Variants in CUZD1 observed in about 807,000 individuals in gnomAD.
CUZD1 encodes CUB and zona pellucida like domains 1, also known as CUB and zona pellucida-like domain-containing protein 1.
Under a neutral mutation model 53.1 loss-of-function variants are expected in CUZD1, and 42 were observed. That is an observed-to-expected ratio of 0.79 (90% confidence interval 0.62 to 1.02). The LOEUF (loss-of-function observed/expected upper bound fraction) is 1.02. Among genes scored for constraint, CUZD1 ranks in the 50% least tolerant of loss-of-function variants. The probability of loss-of-function intolerance (pLI) is 0.00; values close to 1 mark genes in which losing one functional copy is unlikely to be tolerated. For synonymous variants in CUZD1, 238 were observed against 257.2 expected (o/e 0.93, Z 0.71); for missense variants, 670 against 715.7 (o/e 0.94, Z 0.73).
chr10:122,841,105 G>A, intron 2 of CUZD1, 73 bp downstream of exon 2: 2 of 1,396,446 alleles, frequency 1.4e-6, no homozygotes, highest in South Asian at 1.4e-5. Flanking sequence ...TCTTTCTACA[G>A]AGAGTCCCCC....
chr10:122,842,674 A>G (rs766400645), intron 1 of CUZD1, among the ~76,000 whole-genome samples: 7 of 152,182 alleles, frequency 4.6e-5, no homozygotes, highest in Non-Finnish European at 1.0e-4. Flanking sequence ...TTGGAATTGC[A>G]CTGAATTTAT....
At chr10:122,835,993 C>A (rs1847244542) in intron 6 of CUZD1, among the ~76,000 whole-genome samples, 185 bp downstream of exon 6, 1 of 152,112 alleles carries the variant, frequency 6.6e-6, no homozygotes, top group Non-Finnish European at 1.5e-5. Flanking sequence ...AAAATGAATG[C>A]AGCAATTTGG....
intron 8 of CUZD1, among the ~76,000 whole-genome samples, chr10:122,833,181 TG>T (rs1449949922): frequency 6.6e-6 from 1 of 152,230 alleles, no homozygotes; most frequent in Non-Finnish European, 1.5e-5. Context: ...TTCATGCATC[TG>T]GGCAGATCTC....
chr10:122,839,734 C>T (rs772873722), intron 2 of CUZD1, among the ~76,000 whole-genome samples: 75 of 152,190 alleles, frequency 4.9e-4, no homozygotes, highest in Non-Finnish European at 9.1e-4. Flanking sequence ...GTCCCATGCC[C>T]TGCACTGGAC....
Position 122,843,100 on chromosome 10 carries a change from A to G in CUZD1, c.83-1772T>C, listed in dbSNP as rs567394353. ...ACAGTTATCATAACCCAGCAATTCT[A>G]TTGCTAGGCATATCCCCAAAAGAAA... On this transcript the variant is annotated intron_variant, in intron 1 of 8. Coordinates refer to ENST00000392790, the MANE Select transcript of CUZD1 (RefSeq NM_022034.6). Among the ~76,000 whole-genome samples, 3 of 152,340 alleles carry G rather than the reference A, an allele frequency of 2.0e-5. No homozygotes were observed. The East Asian group carries it at 5.8e-4, about 29-fold the overall frequency.
At chr10:122,844,657 C>A (rs1847408232) in intron 1 of CUZD1, among the ~76,000 whole-genome samples, 1 of 152,050 alleles carries the variant, frequency 6.6e-6, no homozygotes, top group African/African-American at 2.4e-5. Context: ...CACTTGAGCT[C>A]AGGAGTTCGA....
chr10:122,838,459 G>C (rs1847286569), intron 3 of CUZD1, among the ~76,000 whole-genome samples: 1 of 152,132 alleles, frequency 6.6e-6, no homozygotes, highest in African/African-American at 2.4e-5. Flanking sequence ...TGTAAATGTA[G>C]CCTCCAATCA....
chr10:122,842,624 G>A (rs1392959469), intron 1 of CUZD1, among the ~76,000 whole-genome samples: 1 of 152,070 alleles, frequency 6.6e-6, no homozygotes, highest in Admixed American at 6.5e-5. Flanking sequence ...TTTAGAGTCA[G>A]CATGTCTGTA....
At position 122,837,552 on chromosome 10, in the gene CUZD1, T is replaced by G. The variant is rs771982275; in HGVS notation, c.451A>C (p.Ile151Leu). 1.9e-6 allele frequency: 3 copies of G among 1,564,594 alleles called. No individual in the cohort carries two copies. In the South Asian group the frequency reaches 3.7e-5, roughly 19 times the overall value. The change falls in exon 4 of 9, where the codon ATT becomes CTT. Residue 151 changes from isoleucine (I) to leucine (L), a missense_variant and splice_region_variant. Ile to Leu is a conservative substitution (Grantham distance 5). Coordinates refer to ENST00000392790, the MANE Select transcript of CUZD1 (RefSeq NM_022034.6). Reference sequence around the variant, plus strand: ...TCCAGGTAACCGCCACAGTTTGGAATAGCTGAAATGGATGTGAAGGTGGTC... The same window carrying G: ...TCCAGGTAACCGCCACAGTTTGGAAGAGCTGAAATGGATGTGAAGGTGGTC... ...FYYFFSPNIS[I>L]PNCGGYLDTL...
Position 122,841,233 on chromosome 10 carries a change from A to T in CUZD1, c.178T>A (p.Trp60Arg), listed in dbSNP as rs776997506. 6.8e-6 allele frequency: 11 copies of T among 1,613,978 alleles called. No homozygotes were observed. The Admixed American group carries it at 1.0e-4, about 15-fold the overall frequency. ...LQLNPSENCTWTIERPENKSI... is the reference protein window; with the variant it reads ...LQLNPSENCTRTIERPENKSI... The stretch of plus-strand genomic sequence containing the variant: ...TTGTTTTCTGGTCTTTCTATTGTCC[A>T]GGTGCAGTTCTCACTGGGATTGAGT... Residue 60 changes from tryptophan (W) to arginine (R), a missense_variant, in exon 2 of 9, where the codon TGG (tryptophan) becomes AGG (arginine). Physicochemically the swap from Trp to Arg is moderately radical, Grantham distance 101. Coordinates refer to ENST00000392790, the MANE Select transcript of CUZD1 (RefSeq NM_022034.6).
At chr10:122,845,032 T>C (rs776768738) in intron 1 of CUZD1, among the ~76,000 whole-genome samples, 2 of 151,996 alleles carry the variant, frequency 1.3e-5, no homozygotes, top group Non-Finnish European at 2.9e-5. Context: ...TTCAGATCTC[T>C]TTTTTCTCTT....
intron 1 of CUZD1, among the ~76,000 whole-genome samples, chr10:122,842,147 T>G (rs1847354061): frequency 6.6e-6 from 1 of 152,346 alleles, no homozygotes; most frequent in South Asian, 2.1e-4. Context: ...TAGTAATAGT[T>G]TCTTTTATGG....
At chr10:122,835,681 GA>G (rs1446342670) in intron 6 of CUZD1, among the ~76,000 whole-genome samples, 1 of 152,176 alleles carries the variant, frequency 6.6e-6, no homozygotes, top group Non-Finnish European at 1.5e-5. Flanking sequence ...ACCAAAGGTT[GA>G]AAATGTTTGA....
At position 122,834,069 on chromosome 10, in the gene CUZD1, TACAGTG is replaced by T. The variant is rs149592908; in HGVS notation, c.1383-135_1383-130del. The T allele has an allele frequency of 2.3e-3, 1,699 of 742,850 alleles. 19 individuals carry two copies. The African/African-American group carries it at 0.025, about 11-fold the overall frequency. 46.0% of individuals were successfully genotyped at this position (742,850 alleles called of 1,614,324 possible). A position where few individuals can be genotyped will look rare whatever the true frequency, so the allele number is the denominator to read the frequency against. On this transcript the variant is annotated intron_variant, in intron 7 of 8. Coordinates refer to ENST00000392790, the MANE Select transcript of CUZD1 (RefSeq NM_022034.6). ...TCAAAAGACTGTCTCTAGTTCACAC[TACAGTG>T]AGTTAAGACTATAGACCTGATTCCT...
At chr10:122,843,770 G>A (rs1011888895) in intron 1 of CUZD1, among the ~76,000 whole-genome samples, 27 of 147,352 alleles carry the variant, frequency 1.8e-4, no homozygotes, top group Admixed American at 5.4e-4. Context: ...GAGAGTGAAT[G>A]GTAGTGAATA....
At chr10:122,844,767 A>G (rs1228199402) in intron 1 of CUZD1, among the ~76,000 whole-genome samples, 3 of 152,284 alleles carry the variant, frequency 2.0e-5, no homozygotes, top group Middle Eastern at 3.4e-3. Context: ...GATGGGCCCA[A>G]ATAAAATTAG....
rs143732874 is a variant in CUZD1 at position 122,841,779 on chromosome 10, T to C, written c.83-451A>G. ...ACCACATTCTTGTCAACACACACTA[T>C]TGTCAGGTTTTTGTATTGCTTTGTA... On this transcript the variant is annotated intron_variant, in intron 1 of 8. Coordinates refer to ENST00000392790, the MANE Select transcript of CUZD1 (RefSeq NM_022034.6). 3.8e-3 allele frequency among the ~76,000 whole-genome samples: 573 copies of C among 152,340 alleles called. 3 individuals are homozygous for C. The highest frequency in any genetic ancestry group is 0.013 in the African/African-American group (544 of 41,572).
chr10:122,845,129 T>C (rs1315485125), intron 1 of CUZD1, among the ~76,000 whole-genome samples: 1 of 149,998 alleles, frequency 6.7e-6, no homozygotes, highest in African/African-American at 2.5e-5. Flanking sequence ...CAGGCTGGAG[T>C]GCAGTGGCAT....
In CUZD1 at chr10:122,835,106, C is replaced by T. The variant is rs370903953; in HGVS notation, c.991-9G>A. ...ATTGACTGATCTTCTACCTGCAGAA[C>T]GAGATAGAATTCAATTTTTATATTT... is the stretch of plus-strand genomic sequence containing the variant. On this transcript the variant is annotated splice_polypyrimidine_tract_variant and intron_variant, in intron 6 of 8. Transcript: ENST00000392790. 34 of 1,527,814 alleles carry T rather than the reference C, an allele frequency of 2.2e-5. No homozygotes were observed. Among genetic ancestry groups the T allele is most frequent in the African/African-American group, 1.7e-4 (12 of 72,002 alleles). The allele number at this position is 1,527,814 out of a possible 1,614,324, so 94.6% of individuals were successfully genotyped here.
Sources: allele counts gnomAD v4.1 joint callset (sites outside exome capture counted in the v4.1 genomes callset), GRCh38; gene constraint gnomAD v4.1.1; transcripts MANE v1.5; gene names NCBI Gene and HGNC (gene_info 2026-07-23, HGNC 2026-07-21).